ABI1: variants seen among roughly 807,000 people sequenced by gnomAD.
The protein encoded by ABI1 is Abelson interactor 1.
In ABI1, 14 loss-of-function variants were observed where a neutral mutation model predicts 54.6. The ratio of observed to expected loss-of-function variants is 0.26; its 90% CI spans 0.17 to 0.40. ABI1 has a LOEUF of 0.40. Ranked by LOEUF, ABI1 falls within the 10% of genes least tolerant of loss-of-function variation. ABI1 has a pLI of 1.00. For synonymous variants in ABI1, 194 were observed against 209.3 expected, an observed-to-expected ratio of 0.93 and a Z score of 0.63; for missense variants, 443 against 598.3, an observed-to-expected ratio of 0.74 and a Z score of 2.71.
chr10:26,771,644 A>G (rs1840706529), intron 3 of ABI1, among the ~76,000 whole-genome samples: 1 of 152,204 alleles, frequency 6.6e-6, no homozygotes, highest in South Asian at 2.1e-4. Flanking sequence ...AAACAAATTC[A>G]TCATGCACAG....
Position 26,823,318 on chromosome 10 carries a change from C to A in ABI1, c.118-13G>T. On this transcript the variant is annotated splice_polypyrimidine_tract_variant and intron_variant, in intron 1 of 10. Transcript: ENST00000376140. Reference sequence around the variant, plus strand: ...TCTTGTCTGTAGCCTGAAATAAGAACAAAAACAACAAATACTTATTTAGAT... The same window carrying A: ...TCTTGTCTGTAGCCTGAAATAAGAAAAAAAACAACAAATACTTATTTAGAT... 1.3e-6 allele frequency: 2 copies of A among 1,491,412 alleles called. No individual in the cohort carries two copies. Among genetic ancestry groups the A allele is most frequent in the South Asian group, 1.4e-5 (1 of 70,444 alleles). 92.4% of individuals were successfully genotyped at this position (1,491,412 alleles called of 1,614,324 possible).
Position 26,748,667 on chromosome 10 carries a change from T to C in ABI1, c.1349A>G (p.Lys450Arg). 1.2e-6 allele frequency: 2 copies of C among 1,613,578 alleles called. No individual in the cohort carries two copies. Among genetic ancestry groups the C allele is most frequent in the Non-Finnish European group, 1.7e-6 (2 of 1,179,682 alleles). The change falls in exon 11 of 11, where the codon AAG becomes AGG. Residue 450 changes from lysine (K) to arginine (R), a missense_variant. This residue lies in a region of ABI1 where 49 missense variants were observed against 113.5 expected (regional missense o/e 0.43). Transcript: ENST00000376140. ...TTCATACCAGCCATCATCATTCTTCTTTATAACATAAATGATTGCACCCTC... is the reference window on the plus strand; with the variant it reads ...TTCATACCAGCCATCATCATTCTTCCTTATAACATAAATGATTGCACCCTC... ...FMEGAIIYVI[K>R]KNDDGWYEGV...
Position 26,809,774 on chromosome 10 carries a change from A to G in ABI1, c.285+13364T>C, listed in dbSNP as rs143775101. On this transcript the variant is annotated intron_variant, in intron 2 of 10. Transcript: ENST00000376140. Reference sequence around the variant, plus strand: ...ACAGCACTAGCCCTGATAAAACTCTAGACACTGAAGCCTGGTGGAGCTTGC... The same window carrying G: ...ACAGCACTAGCCCTGATAAAACTCTGGACACTGAAGCCTGGTGGAGCTTGC... Among the ~76,000 whole-genome samples, 534 of 152,248 alleles carry G rather than the reference A, an allele frequency of 3.5e-3. 3 individuals carry two copies. Among genetic ancestry groups the G allele is most frequent in the Non-Finnish European group, 5.7e-3 (385 of 68,010 alleles).
rs142817247 is a variant in ABI1 at position 26,758,934 on chromosome 10, A to C, written c.997+128T>G. The stretch of plus-strand genomic sequence containing the variant: ...GTATGATTCAAGGACTAATATCCTA[A>C]AACAAAAATAAACATGAAACATCAT... On this transcript the variant is annotated intron_variant, in intron 8 of 10. Coordinates refer to ENST00000376140, the MANE Select transcript of ABI1 (RefSeq NM_001012750.3). The C allele has an allele frequency of 2.0e-4, 202 of 1,013,192 alleles. 1 individual carries two copies. The African/African-American group carries it at 2.8e-3, about 14-fold the overall frequency. 62.8% of individuals were successfully genotyped at this position (1,013,192 alleles called of 1,614,324 possible).
At chr10:26,754,051 C>T (rs1837965214) in intron 9 of ABI1, among the ~76,000 whole-genome samples, 1 of 152,208 alleles carries the variant, frequency 6.6e-6, no homozygotes, top group African/African-American at 2.4e-5. Flanking sequence ...AAAGTTTACA[C>T]TGGCCTTGTT....
chr10:26,785,836 A>C (rs560456136), intron 2 of ABI1, among the ~76,000 whole-genome samples: 18 of 152,176 alleles, frequency 1.2e-4, no homozygotes, highest in African/African-American at 4.1e-4. Context: ...CCTCTCCTGT[A>C]ACAGAGTGCA....
intron 2 of ABI1, among the ~76,000 whole-genome samples, chr10:26,818,182 A>T (rs1033607982): frequency 1.5e-5 from 2 of 134,322 alleles, no homozygotes; most frequent in Non-Finnish European, 3.2e-5. Flanking sequence ...AAAAAAAAAA[A>T]AAAAAAAAAA....
chr10:26,748,392 G>T lies in ABI1; in HGVS notation c.*178C>A. ...AGCTTCTTGTATAAATTGCTATTCA[G>T]CAATACATAAACTGCCTCAAAGATT... On this transcript the variant is annotated 3_prime_UTR_variant, in exon 11 of 11. Transcript: ENST00000376140. 2.0e-6 allele frequency: 1 copy of T among 509,062 alleles called. No homozygotes were observed. The highest frequency in any genetic ancestry group is 3.9e-5 in the South Asian group (1 of 25,910). The allele number at this position is 509,062 out of a possible 1,614,324, so 31.5% of individuals were successfully genotyped here. A position where few individuals can be genotyped will look rare whatever the true frequency, so the allele number is the denominator to read the frequency against.
intron 2 of ABI1, among the ~76,000 whole-genome samples, chr10:26,780,751 A>T (rs556575708): frequency 6.6e-6 from 1 of 152,220 alleles, no homozygotes; most frequent in South Asian, 2.1e-4. Context: ...GAGAGCACAG[A>T]CTCAACATTT....
At chr10:26,788,573 C>A (rs191651258) in intron 2 of ABI1, among the ~76,000 whole-genome samples, 7 of 152,202 alleles carry the variant, frequency 4.6e-5, no homozygotes, top group African/African-American at 1.2e-4. Flanking sequence ...ACTGGCAATA[C>A]AATTTTTAAG....
At chr10:26,832,710 C>G (rs1292476337) in intron 1 of ABI1, among the ~76,000 whole-genome samples, 3 of 152,148 alleles carry the variant, frequency 2.0e-5, no homozygotes, top group Non-Finnish European at 4.4e-5. Flanking sequence ...TACACAAAAA[C>G]TAACATCTAC....
intron 2 of ABI1, among the ~76,000 whole-genome samples, chr10:26,809,634 GA>G (rs2047102643): frequency 6.6e-6 from 1 of 151,940 alleles, no homozygotes; most frequent in Admixed American, 6.6e-5. Flanking sequence ...AAAAAGGGGG[GA>G]AATATTAGAA....
intron 7 of ABI1, among the ~76,000 whole-genome samples, chr10:26,761,783 T>C (rs1377938927): frequency 2.6e-5 from 4 of 151,250 alleles, no homozygotes; most frequent in African/African-American, 9.7e-5. Context: ...TGATAATATT[T>C]TCAAAAATTC....
chr10:26,792,223 G>A (rs1588892282), intron 2 of ABI1, among the ~76,000 whole-genome samples: 2 of 152,316 alleles, frequency 1.3e-5, no homozygotes, highest in East Asian at 3.9e-4. Context: ...AGAGATGTCT[G>A]ATTTATTATA....
chr10:26,839,606 T>A, intron 1 of ABI1: 1 of 578,546 alleles, frequency 1.7e-6, no homozygotes, highest in Non-Finnish European at 3.1e-6. Context: ...ACTGTCACAA[T>A]CAGCACCACC....
intron 7 of ABI1, among the ~76,000 whole-genome samples, chr10:26,760,444 T>C (rs1403666238): frequency 6.6e-6 from 1 of 152,204 alleles, no homozygotes; most frequent in Non-Finnish European, 1.5e-5. Flanking sequence ...ATCTAACATT[T>C]TGGAACTCCC....
At chr10:26,836,752 A>C (rs2049108484) in intron 1 of ABI1, among the ~76,000 whole-genome samples, 1 of 152,186 alleles carries the variant, frequency 6.6e-6, no homozygotes, top group Non-Finnish European at 1.5e-5. Flanking sequence ...CTGAAGAATT[A>C]ACCCTAACTC....
intron 2 of ABI1, among the ~76,000 whole-genome samples, chr10:26,794,402 A>G (rs1843858665): frequency 6.6e-6 from 1 of 151,990 alleles, no homozygotes; most frequent in African/African-American, 2.4e-5. Context: ...AAACAAGACC[A>G]TGTCTCAATA....
intron 1 of ABI1, among the ~76,000 whole-genome samples, chr10:26,847,880 A>G (rs2050097313): frequency 6.6e-6 from 1 of 151,806 alleles, no homozygotes; most frequent in African/African-American, 2.4e-5. Flanking sequence ...ATTTTTTAAG[A>G]TGTTGGGCCA....
Sources: allele counts gnomAD v4.1 joint callset (sites outside exome capture counted in the v4.1 genomes callset), GRCh38; gene constraint gnomAD v4.1.1; regional missense constraint gnomAD v4.1.1; transcripts MANE v1.5; gene names NCBI Gene and HGNC (gene_info 2026-07-23, HGNC 2026-07-21).